Variants in HDAC5 observed in about 807,000 individuals in gnomAD.
HDAC5 encodes the protein histone deacetylase 5.
In HDAC5, 25 loss-of-function variants were observed where a neutral mutation model predicts 133.3. That is an observed-to-expected ratio of 0.19 (90% CI 0.14 to 0.26). The LOEUF (loss-of-function observed/expected upper bound fraction) is 0.26, where lower values mean the gene tolerates loss of function less well. HDAC5 is among the 10% of genes least tolerant of loss of function. The pLI, the probability that HDAC5 is intolerant of heterozygous loss-of-function variation, is 1.00. For synonymous variants in HDAC5, 589 were observed against 610.8 expected (o/e 0.96, Z 0.53); for missense variants, 1,041 against 1,460.5 (o/e 0.71, Z 4.68).
At position 44,092,677 on chromosome 17, in the gene HDAC5, T is replaced by A; in HGVS notation, c.771A>T (p.Thr257=). Reference sequence around the variant, plus strand: ...AGGCCAGGTGGGGGACTCACTCACCTGTTTTGCGGAGGGGGAAGTCGTCTC... The same window carrying A: ...AGGCCAGGTGGGGGACTCACTCACCAGTTTTGCGGAGGGGGAAGTCGTCTC... ...DSRDDFPLRK[T]ASEPNLKVRS... Residue 257 remains threonine, a splice_region_variant and synonymous_variant, in exon 7 of 27, where the codon ACA becomes ACT. Transcript: ENST00000682912. 6.6e-7 allele frequency: 1 copy of A among 1,520,564 alleles called. No individual in the cohort carries two copies. The highest frequency in any genetic ancestry group is 8.8e-7 in the Non-Finnish European group (1 of 1,133,268). 94.2% of individuals were successfully genotyped at this position (1,520,564 alleles called of 1,614,324 possible). A position where few individuals can be genotyped will look rare whatever the true frequency, so the allele number is the denominator to read the frequency against.
chr17:44,102,572 G>A (rs2051678555), intron 3 of HDAC5, among the ~76,000 whole-genome samples: 1 of 151,724 alleles, frequency 6.6e-6, no homozygotes, highest in Admixed American at 6.6e-5. Context: ...TGTTGGCCAG[G>A]CTGGTCTCCA....
chr17:44,091,678 G>T (rs548932792), intron 10 of HDAC5, 22 bp downstream of exon 10: 1 of 1,525,138 alleles, frequency 6.6e-7, no homozygotes, highest in African/African-American at 1.4e-5. Flanking sequence ...GAGGGAAGAT[G>T]GGGTATATGC....
At chr17:44,121,228 G>A (rs1050575380) in intron 1 of HDAC5, among the ~76,000 whole-genome samples, 1 of 151,996 alleles carries the variant, frequency 6.6e-6, no homozygotes, top group African/African-American at 2.4e-5. Context: ...CCTCTTCCCA[G>A]CACTACCAGG....
intron 15 of HDAC5, 96 bp downstream of exon 15, chr17:44,084,926 G>A (rs1313567713): frequency 6.8e-7 from 1 of 1,471,552 alleles, no homozygotes; most frequent in Non-Finnish European, 9.2e-7. Context: ...TGGGGCTGAA[G>A]AGAGGATGAG....
At chr17:44,123,340 C>T (rs969826538) in intron 1 of HDAC5, 164 bp downstream of exon 1, 11 of 331,300 alleles carry the variant, frequency 3.3e-5, no homozygotes, top group African/African-American at 2.0e-4. Flanking sequence ...GCCGATGCTC[C>T]CGGGGGGCGC....
chr17:44,083,171 A>G (rs559156819), intron 18 of HDAC5, among the ~76,000 whole-genome samples: 16 of 151,956 alleles, frequency 1.1e-4, no homozygotes, highest in Non-Finnish European at 1.8e-4. Context: ...GCGTTTTACT[A>G]TGTTGCCCAG....
intron 3 of HDAC5, among the ~76,000 whole-genome samples, chr17:44,096,261 C>G (rs1474058604): frequency 1.3e-5 from 2 of 152,042 alleles, no homozygotes; most frequent in African/African-American, 4.8e-5. Flanking sequence ...CCCTCACTCT[C>G]CTCGCTACAG....
At chr17:44,079,033 G>C (rs2050253190) in intron 24 of HDAC5, 111 bp downstream of exon 24, 1 of 1,511,748 alleles carries the variant, frequency 6.6e-7, no homozygotes, top group Non-Finnish European at 9.0e-7. Flanking sequence ...GCCATTAGCT[G>C]TTCCTTAGGA....
chr17:44,087,027 T>C (rs1220392391), intron 13 of HDAC5, among the ~76,000 whole-genome samples: 1 of 151,010 alleles, frequency 6.6e-6, no homozygotes, highest in Non-Finnish European at 1.5e-5. Context: ...CCCGGAGGGC[T>C]CGGCTGTGTC....
At chr17:44,094,384 TC>T (rs949183952) in intron 3 of HDAC5, among the ~76,000 whole-genome samples, 5 of 150,438 alleles carry the variant, frequency 3.3e-5, no homozygotes, top group Admixed American at 3.3e-4. Context: ...TTGCCTGTAA[TC>T]CCAGCACTTT....
At chr17:44,106,269 C>T (rs2051935404) in intron 3 of HDAC5, among the ~76,000 whole-genome samples, 1 of 152,202 alleles carries the variant, frequency 6.6e-6, no homozygotes, top group African/African-American at 2.4e-5. Context: ...CCCCTCCTCT[C>T]CTTGGGCTAA....
Position 44,085,037 on chromosome 17 carries a change from C to G in HDAC5, c.2169G>C (p.Leu723=). 7 of 1,587,528 alleles carry G rather than the reference C, an allele frequency of 4.4e-6. No homozygotes were observed. Among genetic ancestry groups the G allele is most frequent in the Non-Finnish European group, 6.0e-6 (7 of 1,158,474 alleles). The change falls in exon 15 of 27, where the codon CTG becomes CTC. Residue 723 remains leucine (L), a synonymous_variant. Transcript: ENST00000682912. ...GCTCCCTTACCTCGCACTTGCTAAG[C>G]AGGCCTGTCTCCTGCAGCCGGGACC... is the stretch of plus-strand genomic sequence containing the variant. ...SIWSRLQETG[L]LSKCERIRGR...
chr17:44,090,753 G>A (rs1267957324), intron 11 of HDAC5, among the ~76,000 whole-genome samples: 1 of 151,584 alleles, frequency 6.6e-6, no homozygotes, highest in East Asian at 1.9e-4. Flanking sequence ...GCAGTGGCAC[G>A]ATCTCGGCTC....
Position 44,080,851 on chromosome 17 carries a change from G to A in HDAC5, c.2639C>T (p.Ala880Val), listed in dbSNP as rs968087202. ...GAGCACAGAGGGGTCATTGTAGAAC[G>A]CCTGCTGGGTGCCATTGCCATGGTG... is the stretch of plus-strand genomic sequence containing the variant. ...DIHHGNGTQQ[A>V]FYNDPSVLYI... The change falls in exon 21 of 27, where the codon GCG becomes GTG. Residue 880 changes from alanine (A) to valine (V), a missense_variant. Physicochemically the swap from Ala to Val is moderately conservative, Grantham distance 64. This residue lies in a region of HDAC5 where 174 missense variants were observed against 352.7 expected (regional missense o/e 0.49). Coordinates refer to ENST00000682912, the MANE Select transcript of HDAC5 (RefSeq NM_005474.5). 5.0e-6 allele frequency: 8 copies of A among 1,614,176 alleles called. No homozygotes were observed. Among genetic ancestry groups the A allele is most frequent in the East Asian group, 4.5e-5 (2 of 44,894 alleles).
Position 44,083,754 on chromosome 17 carries a change from C to T in HDAC5, c.2355+51G>A, listed in dbSNP as rs751304456. 5 of 1,591,880 alleles carry T rather than the reference C, an allele frequency of 3.1e-6. No homozygotes were observed. The African/African-American group carries it at 6.7e-5, about 21-fold the overall frequency. On this transcript the variant is annotated intron_variant, in intron 17 of 26. Transcript: ENST00000682912. ...GCGGCTGTGGTAGGCAGGGAAGAGA[C>T]AGACCTAGGAGAGCCGCCCGCCCAC...
chr17:44,092,838 G>T (rs1318603767), intron 6 of HDAC5, 32 bp from the exon 7 acceptor site: 4 of 853,220 alleles, frequency 4.7e-6, no homozygotes, highest in Non-Finnish European at 7.3e-6. Context: ...GATGGAAGCA[G>T]ATCTAGGTTA....
intron 20 of HDAC5, chr17:44,082,286 G>T: frequency 2.3e-6 from 1 of 427,466 alleles, no homozygotes; most frequent in Non-Finnish European, 4.2e-6. Flanking sequence ...TAGCAATGGC[G>T]GCAGCGTCAC....
intron 6 of HDAC5, 113 bp downstream of exon 6, chr17:44,092,979 A>C: frequency 1.4e-6 from 1 of 733,672 alleles, no homozygotes. Flanking sequence ...GTCTCTAAGG[A>C]GAGATTGCAG....
In HDAC5 at chr17:44,078,795, T is replaced by C. The variant is rs779196583; in HGVS notation, c.3163A>G (p.Ser1055Gly). The C allele has an allele frequency of 1.2e-6, 2 of 1,614,110 alleles. No individual in the cohort carries two copies. The highest frequency in any genetic ancestry group is 4.5e-5 in the East Asian group (2 of 44,882). Residue 1055 changes from serine (S) to glycine (G), a missense_variant and splice_region_variant, in exon 25 of 27, where the codon AGC (serine) becomes GGC (glycine). Physicochemically the swap from Ser to Gly is moderately conservative, Grantham distance 56 (BLOSUM62 0). This residue lies in a region of HDAC5 where 95 missense variants were observed against 107.3 expected (regional missense o/e 0.88). Coordinates refer to ENST00000682912, the MANE Select transcript of HDAC5 (RefSeq NM_005474.5). ...AGCCCCTCTACGTGTCCTCACGCAC[T>C]CTGGATCTCGATGACTTTCTCTAGC... ...ATLEKVIEIQ[S>G]KHWSCVQKFA...
Sources: allele counts gnomAD v4.1 joint callset (sites outside exome capture counted in the v4.1 genomes callset), GRCh38; gene constraint gnomAD v4.1.1; regional missense constraint gnomAD v4.1.1; transcripts MANE v1.5; gene names NCBI Gene and HGNC (gene_info 2026-07-23, HGNC 2026-07-21).